Variants in MDN1 observed in about 807,000 individuals in gnomAD.
MDN1 encodes the protein midasin AAA ATPase 1.
In MDN1, 266 loss-of-function variants were observed where a neutral mutation model predicts 669.2. The ratio of observed to expected loss-of-function variants is 0.40; its 90% CI spans 0.36 to 0.44. MDN1 has a LOEUF of 0.44. MDN1 is among the 20% of genes least tolerant of loss of function. MDN1 has a pLI of 1.00. For synonymous variants in MDN1, 2,385 were observed against 2,457.1 expected (o/e 0.97, Z 0.87); for missense variants, 5,940 against 6,754.0 (o/e 0.88, Z 4.22).
At chr6:89,772,929 G>A (rs994573579) in intron 13 of MDN1, among the ~76,000 whole-genome samples, 2 of 152,262 alleles carry the variant, frequency 1.3e-5, no homozygotes, top group Admixed American at 6.5e-5. Context: ...CATCTGATAC[G>A]ATGCTAGGCT....
In MDN1 at chr6:89,772,614, G is replaced by T. The variant is rs748825516; in HGVS notation, c.2042C>A (p.Thr681Asn). The change falls in exon 14 of 102, where the codon ACT becomes AAT. Residue 681 changes from threonine to asparagine, a missense_variant. This residue lies in a region of MDN1 where 1,203 missense variants were observed against 1,268.9 expected (regional missense o/e 0.95). Transcript: ENST00000369393. ...EPVLLVGETG[T>N]GKTSTIQYLA... Reference sequence around the variant, plus strand: ...GTATTGGATGGTAGAGGTTTTGCCAGTCCCGGTCTCTCCCACCAGCAACAC... The same window carrying T: ...GTATTGGATGGTAGAGGTTTTGCCATTCCCGGTCTCTCCCACCAGCAACAC... 7.4e-6 allele frequency: 12 copies of T among 1,614,050 alleles called. No individual in the cohort carries two copies. Among genetic ancestry groups the T allele is most frequent in the Non-Finnish European group, 1.0e-5 (12 of 1,180,038 alleles).
intron 1 of MDN1, among the ~76,000 whole-genome samples, chr6:89,816,904 G>A (rs1263009424): frequency 2.0e-5 from 3 of 151,590 alleles, no homozygotes; most frequent in African/African-American, 7.3e-5. Context: ...TCGATCTCCT[G>A]AGCTTGTGAT....
Position 89,680,613 on chromosome 6 carries a change from C to A in MDN1, c.12241G>T (p.Val4081Leu). 1 of 1,614,192 alleles carries A rather than the reference C, an allele frequency of 6.2e-7. No individual in the cohort carries two copies. Among genetic ancestry groups the A allele is most frequent in the Middle Eastern group, 1.6e-4 (1 of 6,062 alleles). The change falls in exon 74 of 102, where the codon GTG (valine) becomes TTG (leucine). Residue 4081 changes from valine to leucine, a missense_variant. Around this residue, in one of 5 missense-constraint regions of MDN1, gnomAD observed 2,280 missense variants for 2,576.3 expected, o/e 0.88. Coordinates refer to ENST00000369393, the MANE Select transcript of MDN1 (RefSeq NM_014611.3). Reference sequence around the variant, plus strand: ...CCTGTGAACTGATCAAGGCCCTCCACAAGGCGAGGCAGGGGGCTCTCCTTC... The same window carrying A: ...CCTGTGAACTGATCAAGGCCCTCCAAAAGGCGAGGCAGGGGGCTCTCCTTC... Reference protein sequence around the residue: ...FMKESPLPRLVEGLDQFTGEV... With the variant: ...FMKESPLPRLLEGLDQFTGEV...
rs745446508 is a variant in MDN1 at position 89,758,978 on chromosome 6, A to G, written c.2461-18T>C. On this transcript the variant is annotated intron_variant, in intron 17 of 101. Transcript: ENST00000369393. The stretch of plus-strand genomic sequence containing the variant: ...AATGTACCCTAGAAAAAGATAAAAT[A>G]AAATGTTAACAATGTGTCAAATAAA... 2.5e-6 allele frequency: 4 copies of G among 1,610,436 alleles called. No homozygotes were observed. The highest frequency in any genetic ancestry group is 3.4e-6 in the Non-Finnish European group (4 of 1,177,244).
At chr6:89,732,148 C>T (rs764745476) in intron 34 of MDN1, among the ~76,000 whole-genome samples, 5 of 151,964 alleles carry the variant, frequency 3.3e-5, no homozygotes, top group Non-Finnish European at 7.4e-5. Context: ...CAAAAAAACA[C>T]CCCTCTGCAC....
Position 89,692,614 on chromosome 6 carries a change from C to T in MDN1, c.10416G>A (p.Gly3472=). The change falls in exon 63 of 102, where the codon GGG becomes GGA. Residue 3472 remains glycine (G), a synonymous_variant. Coordinates refer to ENST00000369393, the MANE Select transcript of MDN1 (RefSeq NM_014611.3). ...VKSEEVLRGL[G]KLILKRSGGK... The stretch of plus-strand genomic sequence containing the variant: ...CTCCTGAGCGCTTGAGGATTAGCTT[C>T]CCAAGGCCTCGTAGAACCTCCTCAG... The T allele has an allele frequency of 1.9e-6, 3 of 1,614,222 alleles. No homozygotes were observed. Among genetic ancestry groups the T allele is most frequent in the Non-Finnish European group, 1.7e-6 (2 of 1,180,036 alleles).
intron 97 of MDN1, among the ~76,000 whole-genome samples, chr6:89,648,559 A>C (rs1584078922): frequency 6.6e-6 from 1 of 152,174 alleles, no homozygotes; most frequent in East Asian, 1.9e-4. Flanking sequence ...GGTCTGCTGT[A>C]GACATCGAAT....
intron 31 of MDN1, among the ~76,000 whole-genome samples, chr6:89,740,714 G>A (rs1157862406): frequency 6.6e-6 from 1 of 152,166 alleles, no homozygotes; most frequent in Non-Finnish European, 1.5e-5. Context: ...CTGGTGAATG[G>A]ATAAACAAAA....
rs766657920 is a variant in MDN1, at chr6:89,701,639, C to A, written c.8346G>T (p.Gln2782His). 1 of 1,614,078 alleles carries A rather than the reference C, an allele frequency of 6.2e-7. No individual in the cohort carries two copies. Among genetic ancestry groups the A allele is most frequent in the Non-Finnish European group, 8.5e-7 (1 of 1,179,966 alleles). The change falls in exon 55 of 102, where the codon CAG becomes CAT. Residue 2782 changes from glutamine (Q) to histidine (H), a missense_variant. By Grantham distance (24) the Gln-to-His change is conservative (BLOSUM62 0). Coordinates refer to ENST00000369393, the MANE Select transcript of MDN1 (RefSeq NM_014611.3). ...KEVQTVSEHI[Q>H]NCLGSQTGGF... ...CACCAGTCTGGCTCCCCAGACAATT[C>A]TGAATATGTTCTGAGACAGTCTGAA...
At chr6:89,653,854 T>A (rs887078042) in intron 93 of MDN1, among the ~76,000 whole-genome samples, 3 of 152,342 alleles carry the variant, frequency 2.0e-5, no homozygotes, top group Admixed American at 2.0e-4. Context: ...ATACTATACC[T>A]TTTCATCATA....
chr6:89,653,681 T>C (rs1239443842), intron 93 of MDN1, among the ~76,000 whole-genome samples: 2 of 152,246 alleles, frequency 1.3e-5, no homozygotes, highest in East Asian at 3.8e-4. Context: ...TCTTTTGAAT[T>C]TGCATTTATT....
At chr6:89,723,191 G>C in intron 39 of MDN1, 48 bp from the exon 40 acceptor site, 1 of 1,549,642 alleles carries the variant, frequency 6.5e-7, no homozygotes, top group Non-Finnish European at 8.9e-7. Flanking sequence ...CTTACTACTA[G>C]GCACTGCATT....
At chr6:89,693,896 C>A (rs1294026293) in intron 62 of MDN1, among the ~76,000 whole-genome samples, 178 bp downstream of exon 62, 1 of 152,168 alleles carries the variant, frequency 6.6e-6, no homozygotes, top group Non-Finnish European at 1.5e-5. Context: ...CCTTGAATAG[C>A]CCCCCTCTCC....
In MDN1 at chr6:89,701,667, T is replaced by C. The variant is rs758080781; in HGVS notation, c.8318A>G (p.Glu2773Gly). 7 of 1,613,736 alleles carry C rather than the reference T, an allele frequency of 4.3e-6. No homozygotes were observed. Among genetic ancestry groups the C allele is most frequent in the Non-Finnish European group, 8.5e-7 (1 of 1,179,912 alleles). The change falls in exon 55 of 102, where the codon GAA (glutamate) becomes GGA (glycine). Residue 2773 changes from glutamate (E) to glycine (G), a missense_variant. Physicochemically the swap from Glu to Gly is moderately conservative, Grantham distance 98. This residue lies in a region of MDN1 where 2,292 missense variants were observed against 2,638.3 expected (regional missense o/e 0.87). Coordinates refer to ENST00000369393, the MANE Select transcript of MDN1 (RefSeq NM_014611.3). ...LMNYEDKYYK[E>G]VQTVSEHIQN... The stretch of plus-strand genomic sequence containing the variant: ...AATATGTTCTGAGACAGTCTGAACT[T>C]CTTTGTAATATCTTTAAAGGAGAAC...
chr6:89,699,475 C>CA (rs554492491), intron 58 of MDN1, 126 bp downstream of exon 58: 2 of 1,119,492 alleles, frequency 1.8e-6, no homozygotes, highest in Non-Finnish European at 1.2e-6. Flanking sequence ...AGAGGCAATT[C>CA]AAAAAAACCT....
intron 53 of MDN1, among the ~76,000 whole-genome samples, chr6:89,703,469 A>G (rs1813304749): frequency 6.6e-6 from 1 of 152,102 alleles, no homozygotes; most frequent in Non-Finnish European, 1.5e-5. Context: ...TTGCAATGCA[A>G]ATCAGGTAAT....
intron 97 of MDN1, among the ~76,000 whole-genome samples, chr6:89,649,650 C>G (rs946499103): frequency 6.6e-6 from 1 of 151,582 alleles, no homozygotes; most frequent in Non-Finnish European, 1.5e-5. Context: ...TATCTGAAAA[C>G]TTTGATTTTT....
chr6:89,663,022 T>C (rs531904989), intron 85 of MDN1, 55 bp from the exon 86 acceptor site: 15 of 1,600,426 alleles, frequency 9.4e-6, no homozygotes, highest in Non-Finnish European at 1.1e-5. Context: ...CAGTCCTGTG[T>C]ATTTAAGAGA....
Position 89,719,244 on chromosome 6 carries a change from G to A in MDN1, c.5968-19C>T. 2.5e-6 allele frequency: 4 copies of A among 1,596,146 alleles called. No individual in the cohort carries two copies. The highest frequency in any genetic ancestry group is 3.4e-6 in the Non-Finnish European group (4 of 1,163,988). ...CAATGACCTAAAGGAAGAAGATAAT[G>A]CAATGAAAACACAAATCACTCCACC... On this transcript the variant is annotated intron_variant, in intron 40 of 101. Coordinates refer to ENST00000369393, the MANE Select transcript of MDN1 (RefSeq NM_014611.3).
Sources: gnomAD v4.1 joint callset for allele counts (sites outside exome capture counted in the v4.1 genomes callset) on GRCh38, gnomAD v4.1.1 for gene constraint, gnomAD v4.1.1 regional missense constraint, MANE v1.5 for transcripts, NCBI Gene and HGNC (gene_info 2026-07-23, HGNC 2026-07-21) for gene names.